Variants in KNOP1 observed in about 807,000 individuals in gnomAD.
KNOP1 encodes the protein lysine rich nucleolar protein 1.
Under a neutral mutation model 30.6 loss-of-function variants are expected in KNOP1, and 20 were observed. The observed-to-expected ratio is 0.65, with a 90% CI of 0.46 to 0.95. KNOP1 has a LOEUF of 0.95. KNOP1 is among the 40% of genes least tolerant of loss of function. The pLI, the probability that KNOP1 is intolerant of heterozygous loss-of-function variation, is 0.00. For missense variants in KNOP1, 540 were observed against 562.0 expected, an observed-to-expected ratio of 0.96 and a Z score of 0.40; for synonymous variants, 204 against 210.0, an observed-to-expected ratio of 0.97 and a Z score of 0.25.
intron 3 of KNOP1, among the ~76,000 whole-genome samples, chr16:19,710,911 C>CAA (rs547237111): frequency 9.5e-4 from 76 of 79,788 alleles, no homozygotes; most frequent in Non-Finnish European, 1.4e-3. Context: ...GACTCCGTCT[C>CAA]AAAAAAAAAA....
chr16:19,710,542 G>T lies in KNOP1; in HGVS notation c.1032C>A (p.Gly344=), dbSNP rs1218354470. The change falls in exon 4 of 5, where the codon GGC becomes GGA. Residue 344 remains glycine (G), a synonymous_variant. Coordinates refer to ENST00000219837, the MANE Select transcript of KNOP1 (RefSeq NM_001012991.3). ...TCCTGGTTTCAGAAGCTTCCGTTTT[G>T]CCTGACTCGCGATCGATCTCTTCTT... ...ALQEEIDRES[G]KTEASETRKW... 1 of 1,612,552 alleles carries T rather than the reference G, an allele frequency of 6.2e-7. No homozygotes were observed.
chr16:19,710,994 C>T (rs1369763490), intron 3 of KNOP1, among the ~76,000 whole-genome samples: 1 of 151,698 alleles, frequency 6.6e-6, no homozygotes, highest in Non-Finnish European at 1.5e-5. Context: ...GATATGGGAA[C>T]GACAGAAGCG....
intron 4 of KNOP1, among the ~76,000 whole-genome samples, chr16:19,709,988 G>A (rs1180842105): frequency 2.0e-5 from 3 of 152,160 alleles, no homozygotes; most frequent in South Asian, 2.1e-4. Flanking sequence ...ACTGAACTCC[G>A]CCAGGGCCCC....
chr16:19,708,228 G>T lies in KNOP1; in HGVS notation c.1066-1007C>A, dbSNP rs185952952. 2.0e-4 allele frequency among the ~76,000 whole-genome samples: 31 copies of T among 151,930 alleles called. No individual in the cohort carries two copies. In the East Asian group the frequency reaches 5.9e-3, roughly 29 times the overall value. On this transcript the variant is annotated intron_variant, in intron 4 of 4. Transcript: ENST00000219837. ...CAGGGGTAAAAGGTCACACAGCCAA[G>T]TCAGACTGAGCCAAGCCCAAGAACT...
chr16:19,707,827 C>T (rs1245343048), intron 4 of KNOP1, among the ~76,000 whole-genome samples: 1 of 114,186 alleles, frequency 8.8e-6, no homozygotes, highest in Non-Finnish European at 1.8e-5. Flanking sequence ...TCCTACAAAG[C>T]GCACCTCCCC....
At chr16:19,715,580 C>T (rs1977005333) in intron 1 of KNOP1, among the ~76,000 whole-genome samples, 1 of 151,756 alleles carries the variant, frequency 6.6e-6, no homozygotes, top group Non-Finnish European at 1.5e-5. Context: ...TCATGCCCAG[C>T]TAATTTTTTT....
rs116520001 is a variant in KNOP1, at chr16:19,707,574, C to T, written c.1066-353G>A. 3.2e-3 allele frequency among the ~76,000 whole-genome samples: 489 copies of T among 151,790 alleles called. 3 individuals carry two copies. Among genetic ancestry groups the T allele is most frequent in the African/African-American group, 0.011 (473 of 41,346 alleles). ...TCCTCCTTTCCTAACTCATGGCACACGGCACAGTGTGCCTCACTTCACAAC... is the reference window on the plus strand; with the variant it reads ...TCCTCCTTTCCTAACTCATGGCACATGGCACAGTGTGCCTCACTTCACAAC... On this transcript the variant is annotated intron_variant, in intron 4 of 4. Transcript: ENST00000219837.
chr16:19,709,910 G>A (rs576170778), intron 4 of KNOP1, among the ~76,000 whole-genome samples: 6 of 152,180 alleles, frequency 3.9e-5, no homozygotes, highest in South Asian at 4.2e-4. Flanking sequence ...CCTCTAGACC[G>A]TGAGCGCGAT....
chr16:19,708,624 C>A (rs8044607), intron 4 of KNOP1, among the ~76,000 whole-genome samples: 23,507 of 152,164 alleles, frequency 0.15, 2,051 homozygotes, highest in South Asian at 0.26. Flanking sequence ...CTGACATCGA[C>A]GCTGCCTGGG....
At chr16:19,717,261 G>A (rs894038179) in intron 1 of KNOP1, 19 of 961,416 alleles carry the variant, frequency 2.0e-5, no homozygotes, top group Non-Finnish European at 2.4e-5. Context: ...GGAACGTACT[G>A]CCCGCGGATA....
At chr16:19,716,437 A>G (rs1418914034) in intron 1 of KNOP1, 1 of 152,314 alleles carries the variant, frequency 6.6e-6, no homozygotes, top group Non-Finnish European at 1.5e-5. Flanking sequence ...TTTCTGAAGA[A>G]CAACTGCAGG....
At chr16:19,710,409 A>G (rs720175) in intron 4 of KNOP1, 100 bp downstream of exon 4, 226,636 of 1,171,820 alleles carry the variant, frequency 0.19, 23,642 homozygotes, top group African/African-American at 0.35. Flanking sequence ...GGGCCTGGAC[A>G]TACTTGGTTC....
chr16:19,706,608 C>T lies in KNOP1; in HGVS notation c.*302G>A, dbSNP rs1018386596. On this transcript the variant is annotated 3_prime_UTR_variant, in exon 5 of 5. Transcript: ENST00000219837. Reference sequence around the variant, plus strand: ...AGCACTCACTCGTTCTCCTGGCTCCCGAAATATGAGCTGCCCTGCCCCAGT... The same window carrying T: ...AGCACTCACTCGTTCTCCTGGCTCCTGAAATATGAGCTGCCCTGCCCCAGT... The T allele has an allele frequency of 1.7e-5, 6 of 349,534 alleles. No homozygotes were observed. Among genetic ancestry groups the T allele is most frequent in the South Asian group, 3.3e-5 (1 of 30,078 alleles). 21.7% of individuals were successfully genotyped at this position (349,534 alleles called of 1,614,324 possible). A position where few individuals can be genotyped will look rare whatever the true frequency, so the allele number is the denominator to read the frequency against.
Position 19,704,770 on chromosome 16 carries a change from G to A in KNOP1, c.*2140C>T. 1 of 171,312 alleles carries A rather than the reference G, an allele frequency of 5.8e-6. No homozygotes were observed. The highest frequency in any genetic ancestry group is 1.2e-5 in the Non-Finnish European group (1 of 80,362). 10.6% of individuals were successfully genotyped at this position (171,312 alleles called of 1,614,324 possible). ...CTCTCCCATTATGTATCTCAAGGTT[G>A]AATCCAGGAAAGAAAGGCAGGACAA... is the stretch of plus-strand genomic sequence containing the variant. On this transcript the variant is annotated 3_prime_UTR_variant, in exon 5 of 5. Transcript: ENST00000219837.
At position 19,707,005 on chromosome 16, in the gene KNOP1, A is replaced by C. The variant is rs1976396353; in HGVS notation, c.1282T>G (p.Tyr428Asp). ...AAGCCGAGGCCGGCTCCCCGGCTGT[A>C]CTTCCAGCTCATGGCCCGGTCGTAG... Reference protein sequence around the residue: ...RDYDRAMSWKYSRGAGLGFST... With the variant: ...RDYDRAMSWKDSRGAGLGFST... The change falls in exon 5 of 5, where the codon TAC becomes GAC. Residue 428 changes from tyrosine to aspartate, a missense_variant. Physicochemically the swap from Tyr to Asp is radical, Grantham distance 160 (BLOSUM62 -3). Transcript: ENST00000219837. 1 of 1,613,972 alleles carries C rather than the reference A, an allele frequency of 6.2e-7. No homozygotes were observed. Among genetic ancestry groups the C allele is most frequent in the Admixed American group, 1.7e-5 (1 of 60,006 alleles).
At chr16:19,710,937 C>T (rs1046381722) in intron 3 of KNOP1, among the ~76,000 whole-genome samples, 9 of 147,224 alleles carry the variant, frequency 6.1e-5, no homozygotes, top group Non-Finnish European at 1.0e-4. Flanking sequence ...AAAAAAAAAT[C>T]CCCAAGGCCA....
chr16:19,707,261 C>A, intron 4 of KNOP1, 40 bp from the exon 5 acceptor site: 1 of 1,568,934 alleles, frequency 6.4e-7, no homozygotes, highest in South Asian at 1.1e-5. Context: ...TCCTTGAGTT[C>A]AAAGCCCTTT....
At chr16:19,713,811 A>T (rs1323877722) in intron 2 of KNOP1, among the ~76,000 whole-genome samples, 1 of 152,204 alleles carries the variant, frequency 6.6e-6, no homozygotes, top group East Asian at 1.9e-4. Flanking sequence ...AATTGATCCC[A>T]GTTAATTCAG....
In KNOP1 at chr16:19,714,973, C is replaced by G. The variant is rs192306349; in HGVS notation, c.63G>C (p.Val21=). 5.1e-4 allele frequency: 810 copies of G among 1,596,996 alleles called. 6 individuals carry two copies. The African/African-American group carries it at 0.01, about 20-fold the overall frequency. The change falls in exon 2 of 5, where the codon GTG becomes GTC. Residue 21 remains valine (V), a synonymous_variant. Coordinates refer to ENST00000219837, the MANE Select transcript of KNOP1 (RefSeq NM_001012991.3). ...AGTATCGAGTCTCTGGTTCTTTGAC[C>G]ACTTTCTTCTTCTTTTTCTTCTCTG... ...GLPEKKKKKK[V]VKEPETRYSV...
Sources: gnomAD v4.1 joint callset for allele counts (sites outside exome capture counted in the v4.1 genomes callset) on GRCh38, gnomAD v4.1.1 for gene constraint, MANE v1.5 for transcripts, NCBI Gene and HGNC (gene_info 2026-07-23, HGNC 2026-07-21) for gene names.